RDX: variants seen among roughly 807,000 people sequenced by gnomAD.
The protein encoded by RDX is deafness, autosomal recessive 24.
RDX carries 32 observed loss-of-function variants against 83.7 expected under a neutral mutation model. That is an observed-to-expected ratio of 0.38 (90% CI 0.29 to 0.51). RDX has a LOEUF of 0.51. Among genes scored for constraint, RDX ranks in the 20% least tolerant of loss-of-function variants. The pLI is 0.87. For synonymous variants in RDX, 229 were observed against 222.7 expected (o/e 1.03, Z -0.25); for missense variants, 600 against 689.9 (o/e 0.87, Z 1.46).
At chr11:110,204,846 G>GTATT (rs1273079499) in intron 14 of RDX, among the ~76,000 whole-genome samples, 2 of 152,096 alleles carry the variant, frequency 1.3e-5, no homozygotes, top group Non-Finnish European at 2.9e-5. Flanking sequence ...AAATTAATCT[G>GTATT]TTAATACATT....
intron 15 of RDX, among the ~76,000 whole-genome samples, chr11:110,190,131 A>T (rs1863075706): frequency 6.6e-6 from 1 of 152,204 alleles, no homozygotes; most frequent in Admixed American, 6.5e-5. Context: ...ACACATACCA[A>T]AATTTCTGTG....
intron 12 of RDX, among the ~76,000 whole-genome samples, chr11:110,234,382 T>C (rs915355649): frequency 1.2e-4 from 19 of 152,190 alleles, no homozygotes; most frequent in Admixed American, 9.8e-4. Context: ...CTCTGAACAC[T>C]TGTCTGGCAA....
At chr11:110,212,801 ACT>A (rs1468578469) in intron 14 of RDX, among the ~76,000 whole-genome samples, 2 of 144,862 alleles carry the variant, frequency 1.4e-5, no homozygotes, top group African/African-American at 5.4e-5. Context: ...CATGCTAAAA[ACT>A]CTCAATAAAT....
At chr11:110,222,334 C>T (rs1279608814) in intron 14 of RDX, among the ~76,000 whole-genome samples, 1 of 152,144 alleles carries the variant, frequency 6.6e-6, no homozygotes, top group Non-Finnish European at 1.5e-5. Context: ...TCATACAAAG[C>T]CTTTTATACA....
chr11:110,250,947 C>T (rs769430849), intron 9 of RDX, among the ~76,000 whole-genome samples: 1 of 152,106 alleles, frequency 6.6e-6, no homozygotes, highest in Non-Finnish European at 1.5e-5. Context: ...TTTATGAAAC[C>T]AGATCTTGCT....
intron 14 of RDX, among the ~76,000 whole-genome samples, chr11:110,201,654 C>T (rs1863409793): frequency 1.3e-5 from 2 of 152,060 alleles, no homozygotes; most frequent in African/African-American, 4.8e-5. Flanking sequence ...AAGCGGTAAG[C>T]CATGGGTTAG....
chr11:110,211,857 C>A (rs963823750), intron 14 of RDX, among the ~76,000 whole-genome samples: 4 of 151,090 alleles, frequency 2.6e-5, no homozygotes, highest in Non-Finnish European at 4.4e-5. Context: ...AAATTTATAG[C>A]ACTAAATGCC....
In RDX at chr11:110,264,847, C is replaced by G. The variant is rs774408089; in HGVS notation, c.124G>C (p.Val42Leu). ...QVVKTVGLREVWFFGLQYVDS... is the reference protein window; with the variant it reads ...QVVKTVGLRELWFFGLQYVDS... ...ACATACTGCAGCCCAAAAAACCAGACCTCACGCAAACCAACTGTTTTCACC... is the reference window on the plus strand; with the variant it reads ...ACATACTGCAGCCCAAAAAACCAGAGCTCACGCAAACCAACTGTTTTCACC... Residue 42 changes from valine to leucine, a missense_variant, in exon 4 of 14, where the codon GTC becomes CTC. Coordinates refer to ENST00000645495, the MANE Select transcript of RDX (RefSeq NM_002906.4). 1.2e-6 allele frequency: 2 copies of G among 1,613,872 alleles called. No individual in the cohort carries two copies. Among genetic ancestry groups the G allele is most frequent in the South Asian group, 1.1e-5 (1 of 91,070 alleles).
intron 1 of RDX, among the ~76,000 whole-genome samples, chr11:110,287,591 T>G (rs1018082135): frequency 6.6e-6 from 1 of 152,174 alleles, no homozygotes; most frequent in Non-Finnish European, 1.5e-5. Context: ...TAATGACATG[T>G]CATCCCGTCA....
rs1457016112 is a variant in RDX at position 110,264,769 on chromosome 11, C to T, written c.192+10G>A. The T allele has an allele frequency of 6.4e-7, 1 of 1,558,104 alleles. No individual in the cohort carries two copies. The highest frequency in any genetic ancestry group is 2.3e-5 in the East Asian group (1 of 44,420). ...TAATTATTAGTTTAATGTTATCGTA[C>T]ATATTTTACCTTTTTATTTAGTTTA... On this transcript the variant is annotated intron_variant, in intron 4 of 13. Coordinates refer to ENST00000645495, the MANE Select transcript of RDX (RefSeq NM_002906.4).
At chr11:110,201,901 TTTTGTGTGTGTGTGTGTGTGTG>T (rs1156248450) in intron 14 of RDX, among the ~76,000 whole-genome samples, 6 of 115,544 alleles carry the variant, frequency 5.2e-5, no homozygotes, top group African/African-American at 2.1e-4. Context: ...ATCCGGCTAA[TTTTGTGTGTGTGTGTGTGTGTG>T]TGTGTGTGTG....
chr11:110,180,016 C>T (rs1318595101), intron 15 of RDX: 2 of 326,710 alleles, frequency 6.1e-6, no homozygotes, highest in Non-Finnish European at 1.2e-5. Flanking sequence ...ATTCTCCTGC[C>T]TCAGCCTCCT....
chr11:110,229,063 A>G (rs1293237696), downstream of RDX, among the ~76,000 whole-genome samples: 1 of 152,004 alleles, frequency 6.6e-6, no homozygotes, highest in Non-Finnish European at 1.5e-5. Flanking sequence ...AAGAACATGT[A>G]CTTACATAAA....
intron 2 of RDX, among the ~76,000 whole-genome samples, chr11:110,277,867 C>T (rs755023292): frequency 2.4e-4 from 36 of 152,060 alleles, no homozygotes; most frequent in Non-Finnish European, 3.7e-4. Context: ...AACAAATTTT[C>T]GCCTACTCTA....
At chr11:110,219,901 A>C (rs1046306972) in intron 14 of RDX, among the ~76,000 whole-genome samples, 1 of 152,232 alleles carries the variant, frequency 6.6e-6, no homozygotes, top group Admixed American at 6.5e-5. Flanking sequence ...TAAAGCAATG[A>C]CACTGGATAA....
At chr11:110,180,682 G>A (rs925387104) in intron 15 of RDX, among the ~76,000 whole-genome samples, 5 of 147,200 alleles carry the variant, frequency 3.4e-5, no homozygotes, top group South Asian at 4.3e-4. Context: ...AGACAGTCTC[G>A]CTCTGTCCCC....
At position 110,269,612 on chromosome 11, in the gene RDX, C is replaced by T. The variant is rs1860212115; in HGVS notation, c.96+2924G>A. The stretch of plus-strand genomic sequence containing the variant: ...CACACACTACATACAAAAGTAAAGT[C>T]TGCATTTTTCGATCCTTGCATTTGA... On this transcript the variant is annotated intron_variant, in intron 3 of 13. Coordinates refer to ENST00000645495, the MANE Select transcript of RDX (RefSeq NM_002906.4). 2.0e-5 allele frequency among the ~76,000 whole-genome samples: 3 copies of T among 152,196 alleles called. No individual in the cohort carries two copies. In the South Asian group the frequency reaches 6.2e-4, roughly 31 times the overall value.
At chr11:110,273,201 A>C (rs1860372120) in intron 2 of RDX, 1 of 382,670 alleles carries the variant, frequency 2.6e-6, no homozygotes, top group African/African-American at 2.1e-5. Context: ...CAACAGAGCA[A>C]GACCCTGCCT....
chr11:110,280,239 TA>T (rs1214888049), intron 1 of RDX, among the ~76,000 whole-genome samples: 31 of 152,054 alleles, frequency 2.0e-4, no homozygotes, highest in Middle Eastern at 3.4e-3. Flanking sequence ...TGGAAGAAAC[TA>T]ATTTTTTTTT....
Sources: gnomAD v4.1 joint callset for allele counts (sites outside exome capture counted in the v4.1 genomes callset) on GRCh38, gnomAD v4.1.1 for gene constraint, MANE v1.5 for transcripts, NCBI Gene and HGNC (gene_info 2026-07-23, HGNC 2026-07-21) for gene names.